Variants in DCP2 observed in about 807,000 individuals in gnomAD.
DCP2 encodes decapping mRNA 2.
DCP2 carries 30 observed loss-of-function variants against 56.1 expected under a neutral mutation model. The observed-to-expected ratio is 0.53, with a 90% CI of 0.40 to 0.73. DCP2 has a LOEUF of 0.73. Ranked by LOEUF, DCP2 falls within the 30% of genes least tolerant of loss-of-function variation. The pLI is 0.00. For synonymous variants in DCP2, 197 were observed against 163.3 expected (o/e 1.21, Z -1.57); for missense variants, 533 against 502.7 (o/e 1.06, Z -0.58).
intron 8 of DCP2, among the ~76,000 whole-genome samples, chr5:113,005,086 G>T (rs189514700): frequency 1.6e-3 from 241 of 151,756 alleles, no homozygotes; most frequent in South Asian, 2.5e-3. Context: ...CCAAGATCGC[G>T]CCATTGCACT....
intron 2 of DCP2, 40 bp downstream of exon 2, chr5:112,986,026 G>C: frequency 6.8e-7 from 1 of 1,476,236 alleles, no homozygotes; most frequent in Non-Finnish European, 9.1e-7. Flanking sequence ...TTTCTTGTTA[G>C]CAATATATTT....
intron 1 of DCP2, among the ~76,000 whole-genome samples, chr5:112,981,528 G>T (rs927450422): frequency 6.6e-6 from 1 of 152,086 alleles, no homozygotes; most frequent in African/African-American, 2.4e-5. Context: ...GATTGTAAAA[G>T]CTGAACAATA....
At chr5:113,011,614 A>T (rs191959477) in intron 10 of DCP2, among the ~76,000 whole-genome samples, 22 of 152,348 alleles carry the variant, frequency 1.4e-4, no homozygotes, top group Admixed American at 1.2e-3. Flanking sequence ...TCTGTGATTT[A>T]AGCAAGATAA....
chr5:112,989,857 G>C (rs1748500321), intron 2 of DCP2, among the ~76,000 whole-genome samples: 1 of 152,174 alleles, frequency 6.6e-6, no homozygotes, highest in Non-Finnish European at 1.5e-5. Context: ...TTACTAGAGA[G>C]AGAAAACCTG....
chr5:112,977,592 C>T (rs1208023420), intron 1 of DCP2, among the ~76,000 whole-genome samples: 1 of 152,118 alleles, frequency 6.6e-6, no homozygotes, highest in Non-Finnish European at 1.5e-5. Flanking sequence ...AAGTGTAGCG[C>T]TGCTTTTCTT....
In DCP2 at chr5:113,017,168, T is replaced by G. The variant is rs1749923648; in HGVS notation, c.*3684T>G. 6.6e-6 allele frequency: 1 copy of G among 152,228 alleles called. No individual in the cohort carries two copies. The highest frequency in any genetic ancestry group is 1.5e-5 in the Non-Finnish European group (1 of 68,046). The allele number at this position is 152,228 out of a possible 1,614,324, so 9.4% of individuals were successfully genotyped here. ...ATATTTTCCGAGGCAGTATTTTCTT[T>G]GTATGTTAATCATAGTTATAGTAAA... On this transcript the variant is annotated 3_prime_UTR_variant, in exon 11 of 11. Coordinates refer to ENST00000389063, the MANE Select transcript of DCP2 (RefSeq NM_152624.6).
chr5:113,000,936 A>G (rs1749148306), intron 4 of DCP2, 148 bp from the exon 5 acceptor site: 2 of 804,046 alleles, frequency 2.5e-6, no homozygotes, highest in African/African-American at 1.7e-5. Flanking sequence ...TACATCTCAT[A>G]TGCATTTCTG....
At chr5:112,982,189 A>C (rs1300724554) in intron 1 of DCP2, among the ~76,000 whole-genome samples, 2 of 132,940 alleles carry the variant, frequency 1.5e-5, no homozygotes, top group Admixed American at 6.9e-5. Context: ...ACTCCTCTCT[A>C]ATATGTCCAA....
In DCP2 at chr5:113,005,940, C is replaced by T. The variant is rs564223685; in HGVS notation, c.942+1863C>T. 5.9e-4 allele frequency among the ~76,000 whole-genome samples: 90 copies of T among 152,076 alleles called. 1 individual carries two copies. In the South Asian group the frequency reaches 0.019, roughly 32 times the overall value. On this transcript the variant is annotated intron_variant, in intron 8 of 10. Transcript: ENST00000389063. The stretch of plus-strand genomic sequence containing the variant: ...TTGAGCCCAGTAGTTCGAGACCCAC[C>T]TGGGCAGCATGTCTCTACTACTAAA...
Position 113,001,599 on chromosome 5 carries a change from G to C in DCP2, c.731G>C (p.Gly244Ala), listed in dbSNP as rs1347931867. ...PLRDWLSRRF[G>A]DSSDSDNGFS... ...AGGGACTGGCTTTCTCGAAGATTTG[G>C]CGATTCCTCAGACAGTGACAATGGA... is the stretch of plus-strand genomic sequence containing the variant. Residue 244 changes from glycine to alanine, a missense_variant, in exon 7 of 11, where the codon GGC (glycine) becomes GCC (alanine). By Grantham distance (60) the Gly-to-Ala change is moderately conservative. Coordinates refer to ENST00000389063, the MANE Select transcript of DCP2 (RefSeq NM_152624.6). 6.2e-7 allele frequency: 1 copy of C among 1,614,122 alleles called. No individual in the cohort carries two copies. Among genetic ancestry groups the C allele is most frequent in the Non-Finnish European group, 8.5e-7 (1 of 1,180,010 alleles).
intron 1 of DCP2, among the ~76,000 whole-genome samples, chr5:112,985,423 C>G (rs968521055): frequency 3.3e-5 from 5 of 152,132 alleles, no homozygotes; most frequent in African/African-American, 1.2e-4. Flanking sequence ...GGTTTCTTTT[C>G]CAATATTTCT....
intron 1 of DCP2, among the ~76,000 whole-genome samples, chr5:112,979,396 T>G (rs1747893193): frequency 6.6e-6 from 1 of 151,886 alleles, no homozygotes; most frequent in Non-Finnish European, 1.5e-5. Flanking sequence ...GACTAAAACT[T>G]TTTTTTTACA....
chr5:112,986,500 A>T (rs1748294824), intron 2 of DCP2, among the ~76,000 whole-genome samples: 1 of 149,056 alleles, frequency 6.7e-6, no homozygotes, highest in African/African-American at 2.5e-5. Context: ...ATTCCTGCTA[A>T]TTTTTTTTTT....
Position 113,015,658 on chromosome 5 carries a change from G to C in DCP2, c.*2174G>C, listed in dbSNP as rs1749855648. 6.6e-6 allele frequency: 1 copy of C among 152,604 alleles called. No individual in the cohort carries two copies. The highest frequency in any genetic ancestry group is 6.6e-5 in the Admixed American group (1 of 15,262). The allele number at this position is 152,604 out of a possible 1,614,324, so 9.5% of individuals were successfully genotyped here. On this transcript the variant is annotated 3_prime_UTR_variant, in exon 11 of 11. Coordinates refer to ENST00000389063, the MANE Select transcript of DCP2 (RefSeq NM_152624.6). Reference sequence around the variant, plus strand: ...AGGCTTTTAGCTCTCCTCAAAGTTTGAGGTTAAAAAAATGTTAAAAGATGT... The same window carrying C: ...AGGCTTTTAGCTCTCCTCAAAGTTTCAGGTTAAAAAAATGTTAAAAGATGT...
chr5:112,978,472 T>A (rs1580786351), intron 1 of DCP2, among the ~76,000 whole-genome samples: 1 of 152,216 alleles, frequency 6.6e-6, no homozygotes, highest in African/African-American at 2.4e-5. Context: ...CCTTTTTCTT[T>A]CCAGTGCCTG....
chr5:113,012,569 G>A (rs1749721296), intron 10 of DCP2, among the ~76,000 whole-genome samples: 1 of 152,050 alleles, frequency 6.6e-6, no homozygotes, highest in Non-Finnish European at 1.5e-5. Flanking sequence ...AAGGAGGGGG[G>A]AAAAAATCCC....
chr5:113,004,740 G>A (rs572598482), intron 8 of DCP2, among the ~76,000 whole-genome samples: 57 of 151,808 alleles, frequency 3.8e-4, no homozygotes, highest in African/African-American at 1.4e-3. Flanking sequence ...AAATACATGA[G>A]AGTTCTAATC....
At position 112,976,917 on chromosome 5, in the gene DCP2, T is replaced by C. The variant is rs2416297; in HGVS notation, c.-17T>C. On this transcript the variant is annotated 5_prime_UTR_variant, in exon 1 of 11. Transcript: ENST00000389063. The stretch of plus-strand genomic sequence containing the variant: ...GCGCGGAGCCGGGATGCACTGTTCC[T>C]GCTGTGGGTCCTCATCATGGAGACC... The C allele has an allele frequency of 6.2e-7, 1 of 1,613,720 alleles. No homozygotes were observed. The highest frequency in any genetic ancestry group is 8.5e-7 in the Non-Finnish European group (1 of 1,179,630).
chr5:112,977,451 C>A (rs1412562114), intron 1 of DCP2, among the ~76,000 whole-genome samples: 2 of 152,160 alleles, frequency 1.3e-5, no homozygotes, highest in Non-Finnish European at 2.9e-5. Context: ...CGCGGACCTG[C>A]GCAAGGAGCA....
Sources: gnomAD v4.1 joint callset for allele counts (sites outside exome capture counted in the v4.1 genomes callset) on GRCh38, gnomAD v4.1.1 for gene constraint, MANE v1.5 for transcripts, NCBI Gene and HGNC (gene_info 2026-07-23, HGNC 2026-07-21) for gene names.